ASIC2: variants seen among roughly 807,000 people sequenced by gnomAD.
ASIC2 encodes the protein acid-sensing ion channel 2.
In ASIC2, 25 loss-of-function variants were observed where a neutral mutation model predicts 57.3. The observed-to-expected ratio is 0.44, with a 90% CI of 0.32 to 0.61. ASIC2 has a LOEUF of 0.61. ASIC2 is among the 20% of genes least tolerant of loss of function. The probability of loss-of-function intolerance (pLI) is 0.06; values close to 1 mark genes in which losing one functional copy is unlikely to be tolerated. For missense variants in ASIC2, 641 were observed against 738.1 expected, an observed-to-expected ratio of 0.87 and a Z score of 1.52; for synonymous variants, 319 against 307.5, an observed-to-expected ratio of 1.04 and a Z score of -0.39.
rs542919586 is a variant in ASIC2, at chr17:33,078,930, TG to T, written c.987+9932del. Among the ~76,000 whole-genome samples, 15 of 152,196 alleles carry T rather than the reference TG, an allele frequency of 9.9e-5. No individual in the cohort carries two copies. The South Asian group carries it at 3.1e-3, about 32-fold the overall frequency. On this transcript the variant is annotated intron_variant, in intron 3 of 9. Coordinates refer to ENST00000225823, the MANE Select transcript of ASIC2 (RefSeq NM_183377.2). ...ACAGGAAGAAGGCTCAAGGCCTAAGTGGGGCAGTGTGTAGATGAGAGGGGGC... is the reference window on the plus strand; with the variant it reads ...ACAGGAAGAAGGCTCAAGGCCTAAGTGGGCAGTGTGTAGATGAGAGGGGGC...
Position 33,725,446 on chromosome 17 carries a change from G to T in ASIC2, c.555+430532C>A, listed in dbSNP as rs961624636. ...GGGCAGCCTGCAGTGATGGGCGTTA[G>T]GGTCAGAAGGGCCTGATTGTCCGTC... is the stretch of plus-strand genomic sequence containing the variant. On this transcript the variant is annotated intron_variant, in intron 1 of 9. Transcript: ENST00000359872. Among the ~76,000 whole-genome samples the T allele has an allele frequency of 2.0e-5, 3 of 152,074 alleles. No homozygotes were observed. In the East Asian group the frequency reaches 5.8e-4, roughly 29 times the overall value.
intron 1 of ASIC2, among the ~76,000 whole-genome samples, chr17:33,535,501 C>G (rs1268100536): frequency 6.6e-6 from 1 of 151,962 alleles, no homozygotes; most frequent in African/African-American, 2.4e-5. Flanking sequence ...TGGTCTCAAT[C>G]TCCTGCCCTC....
At chr17:33,399,550 A>C (rs1274930704) in intron 1 of ASIC2, among the ~76,000 whole-genome samples, 5 of 152,180 alleles carry the variant, frequency 3.3e-5, no homozygotes, top group Non-Finnish European at 5.9e-5. Flanking sequence ...TCTAAATCCC[A>C]GTATGGCCTG....
chr17:33,172,324 GC>G (rs1287074046), intron 1 of ASIC2, among the ~76,000 whole-genome samples: 1 of 152,174 alleles, frequency 6.6e-6, no homozygotes, highest in Admixed American at 6.5e-5. Flanking sequence ...GTATGGAGTG[GC>G]CTAGGGAGCC....
chr17:33,556,934 G>C (rs1428733297), intron 1 of ASIC2, among the ~76,000 whole-genome samples: 2 of 152,228 alleles, frequency 1.3e-5, no homozygotes, highest in African/African-American at 2.4e-5. Flanking sequence ...TTAAGTGTAA[G>C]CACAGGTGAG....
chr17:33,526,111 T>A (rs557837329), intron 1 of ASIC2, among the ~76,000 whole-genome samples: 5 of 152,212 alleles, frequency 3.3e-5, no homozygotes, highest in Non-Finnish European at 5.9e-5. Context: ...AGCCCTAAGA[T>A]GACAGGAACC....
At chr17:33,512,631 G>A (rs189528213) in intron 1 of ASIC2, among the ~76,000 whole-genome samples, 162 of 152,138 alleles carry the variant, frequency 1.1e-3, no homozygotes, top group Non-Finnish European at 1.8e-3. Context: ...GTACCATCAC[G>A]TCTACACTCC....
intron 1 of ASIC2, among the ~76,000 whole-genome samples, chr17:33,841,245 C>T (rs185154649): frequency 2.2e-4 from 33 of 152,288 alleles, no homozygotes; most frequent in Admixed American, 1.5e-3. Flanking sequence ...TCTGGCAAGT[C>T]GGGGAAGGTG....
intron 1 of ASIC2, among the ~76,000 whole-genome samples, chr17:33,654,785 A>G (rs1198946865): frequency 1.3e-5 from 2 of 152,204 alleles, no homozygotes; most frequent in African/African-American, 4.8e-5. Flanking sequence ...GCCACTAAGA[A>G]GCTCTACAGG....
At chr17:33,094,511 A>G (rs774720107) in intron 2 of ASIC2, among the ~76,000 whole-genome samples, 1 of 151,982 alleles carries the variant, frequency 6.6e-6, no homozygotes, top group Non-Finnish European at 1.5e-5. Context: ...TCCTTTTAGT[A>G]TTCAATTTGA....
At chr17:33,953,792 T>C (rs935966687) in intron 1 of ASIC2, among the ~76,000 whole-genome samples, 2 of 152,142 alleles carry the variant, frequency 1.3e-5, no homozygotes, top group Non-Finnish European at 2.9e-5. Context: ...TGTCATTCAA[T>C]GCTGGGGATT....
At chr17:33,901,176 C>A (rs185305186) in intron 1 of ASIC2, among the ~76,000 whole-genome samples, 1 of 152,148 alleles carries the variant, frequency 6.6e-6, no homozygotes, top group East Asian at 1.9e-4. Context: ...TGTCTTTGGG[C>A]GTCTCTTTCT....
chr17:33,421,291 A>T (rs1451630317), intron 1 of ASIC2, among the ~76,000 whole-genome samples: 1 of 152,126 alleles, frequency 6.6e-6, no homozygotes, highest in Non-Finnish European at 1.5e-5. Flanking sequence ...CAGGACTAAT[A>T]TTTCTTCCCA....
At chr17:33,839,939 T>C (rs1430304567) in intron 1 of ASIC2, among the ~76,000 whole-genome samples, 1 of 152,198 alleles carries the variant, frequency 6.6e-6, no homozygotes, top group African/African-American at 2.4e-5. Context: ...TAGGTTCTGG[T>C]GATTCACCTC....
At chr17:33,563,270 T>G (rs2141985541) in intron 1 of ASIC2, among the ~76,000 whole-genome samples, 1 of 152,306 alleles carries the variant, frequency 6.6e-6, no homozygotes, top group Non-Finnish European at 1.5e-5. Context: ...TACCAGACAC[T>G]TTACATGTCT....
intron 1 of ASIC2, among the ~76,000 whole-genome samples, chr17:33,989,543 A>T (rs71379449): frequency 9.2e-5 from 14 of 152,130 alleles, no homozygotes; most frequent in Non-Finnish European, 1.9e-4. Context: ...TGTGGTAGGC[A>T]CGCCTTGGTC....
chr17:33,997,135 ATTTATT>A (rs890268319), intron 1 of ASIC2, among the ~76,000 whole-genome samples: 4 of 151,270 alleles, frequency 2.6e-5, no homozygotes, highest in Non-Finnish European at 4.4e-5. Context: ...AAATTTATTT[ATTTATT>A]TTTATTTTTA....
intron 1 of ASIC2, among the ~76,000 whole-genome samples, chr17:34,122,532 C>G (rs947120048): frequency 1.3e-5 from 2 of 152,224 alleles, no homozygotes; most frequent in Non-Finnish European, 2.9e-5. Context: ...TGGTCCTCAT[C>G]CGTCACACCC....
At chr17:33,735,689 A>G (rs1909890680) in intron 1 of ASIC2, among the ~76,000 whole-genome samples, 1 of 152,058 alleles carries the variant, frequency 6.6e-6, no homozygotes, top group Non-Finnish European at 1.5e-5. Context: ...TCCCTTTCAC[A>G]AAGTCCTCAA....
Sources: allele counts gnomAD v4.1 joint callset (sites outside exome capture counted in the v4.1 genomes callset), GRCh38; gene constraint gnomAD v4.1.1; transcripts MANE v1.5; gene names NCBI Gene and HGNC (gene_info 2026-07-23, HGNC 2026-07-21).